Variants in DHRS7C observed in about 807,000 individuals in gnomAD.
The protein encoded by DHRS7C is dehydrogenase/reductase 7C.
A neutral mutation model predicts 29.6 loss-of-function variants in DHRS7C; 28 were observed. The ratio of observed to expected loss-of-function variants is 0.95; its 90% CI spans 0.70 to 1.30. The LOEUF (loss-of-function observed/expected upper bound fraction) is 1.30. Ranked by LOEUF, DHRS7C falls within the 50% of genes most tolerant of loss-of-function variation. The pLI is 0.00. For missense variants in DHRS7C, 403 were observed against 393.3 expected, an observed-to-expected ratio of 1.02 and a Z score of -0.21; for synonymous variants, 158 against 160.2, an observed-to-expected ratio of 0.99 and a Z score of 0.10.
rs764768583 is a variant in DHRS7C, at chr17:9,778,139, C to T, written c.479-854G>A. 5.9e-5 allele frequency among the ~76,000 whole-genome samples: 9 copies of T among 152,220 alleles called. 1 individual carries two copies. In the Middle Eastern group the frequency reaches 0.017, roughly 288 times the overall value. ...GGGTGCAGTGGCTCACGCCTGTAAT[C>T]CCAGCACTTTGGGAGGCCGAGGCGG... On this transcript the variant is annotated intron_variant, in intron 3 of 5. Transcript: ENST00000571134.
At position 9,774,160 on chromosome 17, in the gene DHRS7C, A is replaced by T. The variant is rs937017386; in HGVS notation, c.572-1238T>A. Among the ~76,000 whole-genome samples, 3 of 152,238 alleles carry T rather than the reference A, an allele frequency of 2.0e-5. No individual in the cohort carries two copies. Among genetic ancestry groups the T allele is most frequent in the Non-Finnish European group, 4.4e-5 (3 of 68,042 alleles). On this transcript the variant is annotated intron_variant, in intron 4 of 5. Coordinates refer to ENST00000571134, the MANE Select transcript of DHRS7C (RefSeq NM_001105571.3). This position sits in a 1 kb window ranked among gnomAD's most constrained non-coding sequence, Gnocchi z 5.0. Reference sequence around the variant, plus strand: ...GATTCCTTCAGTCATTCAACAGTGAAGTCCCTGCTCTGGTGGGTGAGAAGC... The same window carrying T: ...GATTCCTTCAGTCATTCAACAGTGATGTCCCTGCTCTGGTGGGTGAGAAGC...
intron 1 of DHRS7C, among the ~76,000 whole-genome samples, chr17:9,785,538 A>C (rs1198926851): frequency 6.6e-6 from 1 of 152,104 alleles, no homozygotes; most frequent in Admixed American, 6.6e-5. Context: ...GCCCAAGAGG[A>C]CCTCTCAGAA....
intron 4 of DHRS7C, among the ~76,000 whole-genome samples, chr17:9,776,925 C>T (rs2066365324): frequency 6.6e-6 from 1 of 152,162 alleles, no homozygotes; most frequent in African/African-American, 2.4e-5. Flanking sequence ...TCAGGTTCAC[C>T]TAGTGCATGT....
Position 9,779,876 on chromosome 17 carries a change from C to T in DHRS7C, c.427G>A (p.Asp143Asn), listed in dbSNP as rs143366707. 5.1e-5 allele frequency: 82 copies of T among 1,613,544 alleles called. No homozygotes were observed. In the East Asian group the frequency reaches 1.2e-3, roughly 25 times the overall value. Reference sequence around the variant, plus strand: ...TAATTGGCATCCATGATCTTTTTGTCGAGCTCCAGAGAAATCTTATGGGCA... The same window carrying T: ...TAATTGGCATCCATGATCTTTTTGTTGAGCTCCAGAGAAATCTTATGGGCA... ...GPAHKISLEL[D>N]KKIMDANYFG... The change falls in exon 3 of 6, where the codon GAC (aspartate) becomes AAC (asparagine). Residue 143 changes from aspartate (D) to asparagine (N), a missense_variant. Transcript: ENST00000571134.
intron 1 of DHRS7C, among the ~76,000 whole-genome samples, chr17:9,789,901 C>T (rs1369467359): frequency 1.3e-5 from 2 of 152,106 alleles, no homozygotes; most frequent in Non-Finnish European, 2.9e-5. Flanking sequence ...GTACCTCGCT[C>T]CCTTTTGATA....
At chr17:9,773,719 CTTTTTTTTTT>C (rs757682123) in intron 4 of DHRS7C, among the ~76,000 whole-genome samples, 3 of 86,006 alleles carry the variant, frequency 3.5e-5, no homozygotes, top group Non-Finnish European at 6.3e-5. Flanking sequence ...GCAATGAGGC[CTTTTTTTTTT>C]TTTTTTTTTT....
In DHRS7C at chr17:9,791,391, G is replaced by T; in HGVS notation, c.-107C>A. ...CCAAGGCTGCAGGGAGCTCAGCTCT[G>T]TGCAAGCCTCCAAGCTGAACACCCA... On this transcript the variant is annotated 5_prime_UTR_variant, in exon 1 of 6. Transcript: ENST00000571134. The T allele has an allele frequency of 1.5e-6, 2 of 1,292,516 alleles. No individual in the cohort carries two copies. The highest frequency in any genetic ancestry group is 2.1e-6 in the Non-Finnish European group (2 of 948,948). 80.1% of individuals were successfully genotyped at this position (1,292,516 alleles called of 1,614,324 possible).
intron 1 of DHRS7C, among the ~76,000 whole-genome samples, chr17:9,783,452 T>A (rs1230653574): frequency 6.6e-6 from 1 of 152,210 alleles, no homozygotes; most frequent in Non-Finnish European, 1.5e-5. Context: ...ACACTTTATA[T>A]GGCATATTTT....
At chr17:9,781,124 C>T (rs1377491068) in intron 2 of DHRS7C, among the ~76,000 whole-genome samples, 1 of 152,034 alleles carries the variant, frequency 6.6e-6, no homozygotes, top group Non-Finnish European at 1.5e-5. Flanking sequence ...TCTCATTTAT[C>T]TGGTTTCTTT....
rs2066383431 is a variant in DHRS7C at position 9,779,847 on chromosome 17, A to T, written c.456T>A (p.Phe152Leu). The change falls in exon 3 of 6, where the codon TTT (phenylalanine) becomes TTA (leucine). Residue 152 changes from phenylalanine (F) to leucine (L), a missense_variant. Transcript: ENST00000571134. ...GACCTTTCGTCAATGTGATGGGGCC[A>T]AAGTAATTGGCATCCATGATCTTTT... ...LDKKIMDANY[F>L]GPITLTKALL... 1 of 1,613,176 alleles carries T rather than the reference A, an allele frequency of 6.2e-7. No individual in the cohort carries two copies. Among genetic ancestry groups the T allele is most frequent in the African/African-American group, 1.3e-5 (1 of 74,922 alleles).
intron 1 of DHRS7C, among the ~76,000 whole-genome samples, chr17:9,789,723 C>T (rs913324951): frequency 6.6e-6 from 1 of 152,150 alleles, no homozygotes; most frequent in African/African-American, 2.4e-5. Flanking sequence ...GACAAAGGTG[C>T]GCTATTTGGA....
intron 1 of DHRS7C, among the ~76,000 whole-genome samples, chr17:9,784,905 G>C (rs954308602): frequency 6.6e-6 from 1 of 152,236 alleles, no homozygotes; most frequent in African/African-American, 2.4e-5. Flanking sequence ...GTTCGCAATA[G>C]AGTAAGTTTA....
At chr17:9,788,667 C>T (rs555174486) in intron 1 of DHRS7C, among the ~76,000 whole-genome samples, 5 of 152,248 alleles carry the variant, frequency 3.3e-5, no homozygotes, top group African/African-American at 1.2e-4. Context: ...CTGCTGCTCC[C>T]GATGGCACCC....
rs79333937 is a variant in DHRS7C at position 9,782,124 on chromosome 17, T to C, written c.155-530A>G. Among the ~76,000 whole-genome samples, 294 of 152,340 alleles carry C rather than the reference T, an allele frequency of 1.9e-3. No homozygotes were observed. The Middle Eastern group carries it at 0.02, about 11-fold the overall frequency. On this transcript the variant is annotated intron_variant, in intron 1 of 5. Transcript: ENST00000571134. ...ATATAGCATTTTCTCAACTAAGTGT[T>C]ACCTGGTAGACATACAGAATTCTTG...
At chr17:9,772,700 A>AT in intron 5 of DHRS7C, 67 bp downstream of exon 5, 1 of 1,561,242 alleles carries the variant, frequency 6.4e-7, no homozygotes, top group Non-Finnish European at 8.7e-7. Flanking sequence ...AAGGTCATTC[A>AT]TCCCCCCAGT....
intron 3 of DHRS7C, among the ~76,000 whole-genome samples, chr17:9,779,238 C>T (rs570452977): frequency 8.0e-4 from 122 of 152,320 alleles, no homozygotes; most frequent in Non-Finnish European, 1.4e-3. Context: ...GAGAAATCTG[C>T]ACCTGGGTAT....
At chr17:9,791,029 C>A in intron 1 of DHRS7C, 102 bp downstream of exon 1, 1 of 1,394,120 alleles carries the variant, frequency 7.2e-7, no homozygotes, top group Non-Finnish European at 9.6e-7. Flanking sequence ...CCCCTCCCAC[C>A]GAGCAGGTTT....
chr17:9,771,784 C>T, intron 5 of DHRS7C, 88 bp from the exon 6 acceptor site: 1 of 1,244,332 alleles, frequency 8.0e-7, no homozygotes, highest in Middle Eastern at 3.0e-4. Flanking sequence ...GGCTGAGGGG[C>T]GGGAAGCGTG....
At chr17:9,773,089 G>A (rs1024470219) in intron 4 of DHRS7C, among the ~76,000 whole-genome samples, 167 bp from the exon 5 acceptor site, 1 of 152,122 alleles carries the variant, frequency 6.6e-6, no homozygotes, top group Non-Finnish European at 1.5e-5. Flanking sequence ...GAGAGCCCTC[G>A]GGAGTGGTGG....
Sources: allele counts gnomAD v4.1 joint callset (sites outside exome capture counted in the v4.1 genomes callset), GRCh38; gene constraint gnomAD v4.1.1; non-coding constraint Gnocchi (gnomAD v3.1); transcripts MANE v1.5; gene names NCBI Gene and HGNC (gene_info 2026-07-23, HGNC 2026-07-21).